BIN1: variants seen among roughly 807,000 people sequenced by gnomAD.
BIN1 encodes myc box-dependent-interacting protein 1.
BIN1 carries 53 observed loss-of-function variants against 82.0 expected under a neutral mutation model. The ratio of observed to expected loss-of-function variants is 0.65; its 90% CI spans 0.52 to 0.81. The LOEUF (loss-of-function observed/expected upper bound fraction) is 0.81, where lower values mean the gene tolerates loss of function less well. Among genes scored for constraint, BIN1 ranks in the 40% least tolerant of loss-of-function variants. BIN1 has a pLI of 0.00. For synonymous variants in BIN1, 302 were observed against 328.0 expected, an observed-to-expected ratio of 0.92 and a Z score of 0.86; for missense variants, 642 against 784.4, an observed-to-expected ratio of 0.82 and a Z score of 2.17.
intron 1 of BIN1, among the ~76,000 whole-genome samples, chr2:127,080,978 T>A (rs559379481): frequency 2.0e-5 from 3 of 152,152 alleles, no homozygotes; most frequent in Admixed American, 2.0e-4. Context: ...AGTGGGAGCA[T>A]CCCGTGGGTG....
At chr2:127,083,156 G>A (rs1374941327) in intron 1 of BIN1, among the ~76,000 whole-genome samples, 2 of 150,932 alleles carry the variant, frequency 1.3e-5, no homozygotes, top group Non-Finnish European at 2.9e-5. Context: ...CGCAATCATG[G>A]CTCACAGTAG....
chr2:127,106,848 C>T lies in BIN1; in HGVS notation c.84+12G>A. On this transcript the variant is annotated intron_variant, in intron 1 of 18. Transcript: ENST00000316724. ...TGGGACTCCGCGGCTGCTGGGGCTC[C>T]GGCTCGCTCACCTTCTCCTGCGCGC... is the stretch of plus-strand genomic sequence containing the variant. 2 of 1,593,944 alleles carry T rather than the reference C, an allele frequency of 1.3e-6. No individual in the cohort carries two copies. Among genetic ancestry groups the T allele is most frequent in the Non-Finnish European group, 8.5e-7 (1 of 1,172,344 alleles).
chr2:127,069,753 C>CACACACAT (rs1233541071), intron 5 of BIN1, among the ~76,000 whole-genome samples: 5 of 152,048 alleles, frequency 3.3e-5, no homozygotes, highest in African/African-American at 9.7e-5. Context: ...CACACACACA[C>CACACACAT]ACACACACAC....
chr2:127,071,615 A>G lies in BIN1; in HGVS notation c.166-799T>C, dbSNP rs971462504. On this transcript the variant is annotated intron_variant, in intron 2 of 18. Transcript: ENST00000316724. ...CAGAGCCAGGAAAGCTGAGTGGAGA[A>G]CTCCAGGTTCCAGGAGGGGTGAACA... 2.0e-5 allele frequency among the ~76,000 whole-genome samples: 3 copies of G among 152,030 alleles called. No individual in the cohort carries two copies. In the South Asian group the frequency reaches 6.2e-4, roughly 32 times the overall value.
intron 10 of BIN1, among the ~76,000 whole-genome samples, chr2:127,061,200 A>AC (rs1478366200): frequency 8.5e-5 from 7 of 82,244 alleles, no homozygotes; most frequent in Non-Finnish European, 1.3e-4. Flanking sequence ...CACAACCCCC[A>AC]CCCCGCTACC....
At chr2:127,096,148 A>C (rs1679576116) in intron 1 of BIN1, among the ~76,000 whole-genome samples, 1 of 149,118 alleles carries the variant, frequency 6.7e-6, no homozygotes, top group African/African-American at 2.5e-5. Flanking sequence ...CCTCGGCCCC[A>C]CCTGCAATCT....
intron 12 of BIN1, chr2:127,056,255 C>T (rs1344905373): frequency 1.3e-5 from 2 of 152,404 alleles, no homozygotes; most frequent in East Asian, 1.9e-4. Context: ...ATGCTCGAGC[C>T]GGGGAGGCCA....
intron 1 of BIN1, chr2:127,081,944 G>C: frequency 8.1e-7 from 1 of 1,231,050 alleles, no homozygotes; most frequent in Non-Finnish European, 1.1e-6. Flanking sequence ...ACGGAGGCAG[G>C]ATGCACACCC....
At chr2:127,077,371 C>T (rs1686750880) in intron 1 of BIN1, among the ~76,000 whole-genome samples, 1 of 152,238 alleles carries the variant, frequency 6.6e-6, no homozygotes, top group South Asian at 2.1e-4. Flanking sequence ...GAGCTCACAG[C>T]TCTGCTCCCA....
intron 18 of BIN1, 60 bp from the exon 19 acceptor site, chr2:127,048,693 C>T (rs1029881777): frequency 1.2e-5 from 18 of 1,515,798 alleles, no homozygotes; most frequent in South Asian, 1.1e-4. Flanking sequence ...CCACAGGGCA[C>T]GCATCCCACT....
chr2:127,050,776 G>A (rs760758221), intron 17 of BIN1, 26 bp downstream of exon 17: 10 of 1,607,968 alleles, frequency 6.2e-6, no homozygotes, highest in Admixed American at 5.0e-5. Context: ...CCGAGGGACT[G>A]CAGCAGTCAG....
chr2:127,079,604 C>T (rs1687043317), intron 1 of BIN1, among the ~76,000 whole-genome samples: 2 of 152,230 alleles, frequency 1.3e-5, no homozygotes, highest in Admixed American at 6.5e-5. Context: ...TCTCTCCTTT[C>T]CTCAAAACAC....
chr2:127,082,448 G>A lies in BIN1; in HGVS notation c.85-5742C>T, dbSNP rs1010535014. Among the ~76,000 whole-genome samples the A allele has an allele frequency of 6.6e-6, 1 of 152,130 alleles. No individual in the cohort carries two copies. Among genetic ancestry groups the A allele is most frequent in the African/African-American group, 2.4e-5 (1 of 41,416 alleles). The stretch of plus-strand genomic sequence containing the variant: ...ACCAGGGACATCGCAGGACAAGTCT[G>A]CACCGAGACCAGGGTTGGCGTGGGC... On this transcript the variant is annotated intron_variant, in intron 1 of 18. Transcript: ENST00000316724. This position sits in a 1 kb window ranked among gnomAD's most constrained non-coding sequence, Gnocchi z 6.1.
At chr2:127,072,808 C>T (rs1035377717) in intron 2 of BIN1, among the ~76,000 whole-genome samples, 10 of 152,128 alleles carry the variant, frequency 6.6e-5, no homozygotes, top group African/African-American at 2.4e-4. Flanking sequence ...CGGATGGAGA[C>T]CCCGCGGGGC....
intron 5 of BIN1, 106 bp downstream of exon 5, chr2:127,069,889 C>A (rs572671106): frequency 2.5e-4 from 301 of 1,198,634 alleles, no homozygotes; most frequent in Non-Finnish European, 3.0e-4. Flanking sequence ...GCGCTTCCTG[C>A]CTCCAGGACA....
At chr2:127,099,464 G>C (rs1257553543) in intron 1 of BIN1, among the ~76,000 whole-genome samples, 2 of 152,140 alleles carry the variant, frequency 1.3e-5, no homozygotes, top group Admixed American at 6.5e-5. Flanking sequence ...AAGAAATACT[G>C]TAGCAGTAAC....
chr2:127,070,044 T>G lies in BIN1; in HGVS notation c.362A>C (p.Gln121Pro). ...WMDYHQKLVD[Q>P]ALLTMDTYLG... ...GTACGTGTCCATGGTCAGCAGCGCC[T>G]GGTCCACCAGCTTCTGGTGGTAATC... The change falls in exon 5 of 19, where the codon CAG becomes CCG. Residue 121 changes from glutamine (Q) to proline (P), a missense_variant. Transcript: ENST00000316724. 6.2e-7 allele frequency: 1 copy of G among 1,614,144 alleles called. No homozygotes were observed. Among genetic ancestry groups the G allele is most frequent in the Non-Finnish European group, 8.5e-7 (1 of 1,180,004 alleles).
At chr2:127,049,937 T>A (rs1052046848) in intron 18 of BIN1, among the ~76,000 whole-genome samples, 4 of 152,186 alleles carry the variant, frequency 2.6e-5, no homozygotes, top group Non-Finnish European at 5.9e-5. Context: ...TGGCCCTGCG[T>A]GCACAGGGCA....
chr2:127,105,490 C>T (rs1001137256), intron 1 of BIN1, among the ~76,000 whole-genome samples: 2 of 151,500 alleles, frequency 1.3e-5, no homozygotes, highest in Non-Finnish European at 2.9e-5. Flanking sequence ...CCTCCTCCTC[C>T]TCCTCCTCCT....
Sources: allele counts gnomAD v4.1 joint callset (sites outside exome capture counted in the v4.1 genomes callset), GRCh38; gene constraint gnomAD v4.1.1; non-coding constraint Gnocchi (gnomAD v3.1); transcripts MANE v1.5; gene names NCBI Gene and HGNC (gene_info 2026-07-23, HGNC 2026-07-21).